Variants in ARB2A observed in about 807,000 individuals in gnomAD.
ARB2A encodes the protein ARB2 cotranscriptional regulator A, also known as cotranscriptional regulator ARB2A.
the ARB2A span, among the ~76,000 whole-genome samples, chr5:94,106,870 GAA>G: frequency 3.5e-3 from 199 of 57,404 alleles, no homozygotes; most frequent in African/African-American, 0.012. Context: ...AATCAATGCA[GAA>G]AAAAAAAAAA....
At chr5:94,102,462 G>A in the ARB2A span, among the ~76,000 whole-genome samples, 6 of 151,900 alleles carry the variant, frequency 3.9e-5, no homozygotes, top group Non-Finnish European at 8.8e-5. Flanking sequence ...AACTCAATCA[G>A]ACAAAAATAA....
chr5:93,857,025 G>C, the ARB2A span, among the ~76,000 whole-genome samples: 3 of 152,336 alleles, frequency 2.0e-5, no homozygotes, highest in South Asian at 6.2e-4. Context: ...CTGCAGGTCT[G>C]TTGGAGTTTG....
chr5:93,883,229 TAC>T, the ARB2A span, among the ~76,000 whole-genome samples: 2 of 151,548 alleles, frequency 1.3e-5, no homozygotes, highest in African/African-American at 4.8e-5. Flanking sequence ...TTAATTAAGA[TAC>T]AGTCATCTTA....
chr5:93,923,668 G>C, the ARB2A span, among the ~76,000 whole-genome samples: 6 of 152,096 alleles, frequency 3.9e-5, no homozygotes, highest in Non-Finnish European at 1.5e-5. Context: ...AAATCAGCCA[G>C]GCGTGGTGTT....
At chr5:93,776,366 C>T in the ARB2A span, 1 of 632,456 alleles carries the variant, frequency 1.6e-6, no homozygotes. Context: ...TTTCCATACA[C>T]TTAACATTTT....
the ARB2A span, among the ~76,000 whole-genome samples, chr5:94,040,986 G>T: frequency 6.6e-6 from 1 of 152,174 alleles, no homozygotes; most frequent in Non-Finnish European, 1.5e-5. Context: ...GGTGCAGCCA[G>T]CCAGGTTACT....
the ARB2A span, among the ~76,000 whole-genome samples, chr5:93,726,395 C>T: frequency 6.6e-6 from 1 of 151,982 alleles, no homozygotes; most frequent in South Asian, 2.1e-4. Context: ...AATATGTGAC[C>T]TCTTTGGCTT....
the ARB2A span, among the ~76,000 whole-genome samples, chr5:93,830,413 AATGATAAGT>A: frequency 6.8e-6 from 1 of 147,372 alleles, no homozygotes; most frequent in Admixed American, 6.8e-5. Context: ...TAGATGGAAG[AATGATAAGT>A]ATGCCATGAT....
chr5:94,068,245 T>C, the ARB2A span, among the ~76,000 whole-genome samples: 6 of 152,292 alleles, frequency 3.9e-5, no homozygotes, highest in South Asian at 1.2e-3. Flanking sequence ...TCAGCTCAAT[T>C]AGGACAAACC....
chr5:93,640,039 G>A, the ARB2A span, among the ~76,000 whole-genome samples: 7 of 141,446 alleles, frequency 4.9e-5, no homozygotes, highest in South Asian at 2.3e-4. Flanking sequence ...ACTCCAGCCC[G>A]GGTGACAGTG....
the ARB2A span, among the ~76,000 whole-genome samples, chr5:93,943,174 T>G: frequency 6.6e-6 from 1 of 152,162 alleles, no homozygotes; most frequent in Non-Finnish European, 1.5e-5. Context: ...TGTTAAATTT[T>G]GGAAGATATT....
the ARB2A span, among the ~76,000 whole-genome samples, chr5:93,964,264 A>G: frequency 6.6e-6 from 1 of 152,128 alleles, no homozygotes; most frequent in Admixed American, 6.5e-5. Flanking sequence ...AGTATTCTTT[A>G]TAAGAACTAC....
At chr5:93,708,006 T>C in the ARB2A span, among the ~76,000 whole-genome samples, 3 of 152,244 alleles carry the variant, frequency 2.0e-5, no homozygotes, top group African/African-American at 7.2e-5. Flanking sequence ...GTTTCAGTAG[T>C]GCTATGAATG....
the ARB2A span, among the ~76,000 whole-genome samples, chr5:93,723,984 AT>A: frequency 6.6e-6 from 1 of 152,074 alleles, no homozygotes; most frequent in South Asian, 2.1e-4. Flanking sequence ...TCATAACTGA[AT>A]TATTGAGATT....
the ARB2A span, among the ~76,000 whole-genome samples, chr5:93,726,649 G>A: frequency 6.6e-6 from 1 of 152,000 alleles, no homozygotes; most frequent in Non-Finnish European, 1.5e-5. Context: ...GGGGTTTTCA[G>A]TTTACATGAA....
chr5:93,744,630 C>T, the ARB2A span, among the ~76,000 whole-genome samples: 1 of 151,980 alleles, frequency 6.6e-6, no homozygotes, highest in African/African-American at 2.4e-5. Flanking sequence ...GAAGTCTTGC[C>T]ATTTCCTCAA....
chr5:93,630,491 G>A, the ARB2A span, among the ~76,000 whole-genome samples: 1 of 152,158 alleles, frequency 6.6e-6, no homozygotes, highest in South Asian at 2.1e-4. Context: ...CTAAAAGAAA[G>A]ACACAAAATC....
the ARB2A span, among the ~76,000 whole-genome samples, chr5:93,694,573 T>C: frequency 1.3e-5 from 2 of 152,226 alleles, no homozygotes; most frequent in Non-Finnish European, 2.9e-5. Flanking sequence ...TTCATGCTCA[T>C]GGATAGGAAA....
At chr5:93,705,731 C>T in the ARB2A span, among the ~76,000 whole-genome samples, 6 of 151,626 alleles carry the variant, frequency 4.0e-5, no homozygotes, top group Admixed American at 3.3e-4. Context: ...CCTCCACATA[C>T]ACTTCAATTA....
Sources: allele counts gnomAD v4.1 joint callset (sites outside exome capture counted in the v4.1 genomes callset), GRCh38; gene constraint gnomAD v4.1.1; transcripts MANE v1.5; gene names NCBI Gene and HGNC (gene_info 2026-07-23, HGNC 2026-07-21).